DNAI3: variants seen among roughly 807,000 people sequenced by gnomAD.
DNAI3 encodes dynein axonemal intermediate chain 3, also known as WD repeat domain 63.
In DNAI3, 83 loss-of-function variants were observed where a neutral mutation model predicts 115.5. The ratio of observed to expected loss-of-function variants is 0.72; its 90% CI spans 0.60 to 0.86. DNAI3 has a LOEUF of 0.86. DNAI3 is among the 40% of genes least tolerant of loss of function. The pLI is 0.00. For missense variants in DNAI3, 1,004 were observed against 1,075.8 expected, an observed-to-expected ratio of 0.93 and a Z score of 0.93; for synonymous variants, 320 against 347.0, an observed-to-expected ratio of 0.92 and a Z score of 0.86.
chr1:85,120,603 T>C (rs901744454), intron 17 of DNAI3, among the ~76,000 whole-genome samples: 6 of 152,198 alleles, frequency 3.9e-5, no homozygotes, highest in African/African-American at 1.4e-4. Context: ...ATAACTCTCT[T>C]ACAGGACTTT....
At position 85,086,101 on chromosome 1, in the gene DNAI3, T is replaced by C. The variant is rs1654794168; in HGVS notation, c.740+71T>C. ...AAATCTAGTAACTTCCATTATTATT[T>C]TGAGAGCTCTTTATAATAAATAGAA... On this transcript the variant is annotated intron_variant, in intron 7 of 22. Coordinates refer to ENST00000294664, the MANE Select transcript of DNAI3 (RefSeq NM_145172.5). 3.6e-6 allele frequency: 5 copies of C among 1,381,480 alleles called. No homozygotes were observed. In the Admixed American group the frequency reaches 9.8e-5, roughly 27 times the overall value. 85.6% of individuals were successfully genotyped at this position (1,381,480 alleles called of 1,614,324 possible).
intron 8 of DNAI3, among the ~76,000 whole-genome samples, chr1:85,091,823 G>C (rs1474892849): frequency 6.6e-6 from 1 of 152,154 alleles, no homozygotes; most frequent in Non-Finnish European, 1.5e-5. Context: ...CATGGTTCCA[G>C]GAAAGCAAGA....
rs550901367 is a variant in DNAI3 at position 85,128,619 on chromosome 1, C to T, written c.2318-89C>T. The T allele has an allele frequency of 6.3e-6, 7 of 1,111,508 alleles. No homozygotes were observed. The African/African-American group carries it at 1.1e-4, about 18-fold the overall frequency. The allele number at this position is 1,111,508 out of a possible 1,614,324, so 68.9% of individuals were successfully genotyped here. On this transcript the variant is annotated intron_variant, in intron 20 of 22. Coordinates refer to ENST00000294664, the MANE Select transcript of DNAI3 (RefSeq NM_145172.5). Reference sequence around the variant, plus strand: ...AACCACAGCAGGTCCTTTGGGAGAACACAAAACAAAAACATACTTCATGTT... The same window carrying T: ...AACCACAGCAGGTCCTTTGGGAGAATACAAAACAAAAACATACTTCATGTT...
intron 13 of DNAI3, among the ~76,000 whole-genome samples, chr1:85,101,515 G>C (rs949195046): frequency 6.6e-6 from 1 of 151,988 alleles, no homozygotes; most frequent in Non-Finnish European, 1.5e-5. Context: ...ACGAGGTCAG[G>C]AGATGGAGAC....
intron 16 of DNAI3, 55 bp downstream of exon 16, chr1:85,110,190 G>A (rs554148916): frequency 1.3e-5 from 19 of 1,509,802 alleles, no homozygotes; most frequent in South Asian, 1.2e-4. Context: ...GGTGGCTCAC[G>A]CCTGTAATCC....
chr1:85,071,894 A>G (rs1331268315), intron 1 of DNAI3, 34 bp from the exon 2 acceptor site: 2 of 1,568,126 alleles, frequency 1.3e-6, no homozygotes, highest in East Asian at 2.3e-5. Flanking sequence ...TGCAAATTGT[A>G]ACAATTTACT....
At chr1:85,076,969 T>C (rs1041540901) in intron 3 of DNAI3, among the ~76,000 whole-genome samples, 21 of 152,144 alleles carry the variant, frequency 1.4e-4, no homozygotes, top group African/African-American at 5.1e-4. Context: ...TGCTTCTTCA[T>C]CTGAAAAGCA....
intron 16 of DNAI3, among the ~76,000 whole-genome samples, chr1:85,117,270 A>T (rs975296859): frequency 5.3e-5 from 8 of 152,210 alleles, no homozygotes; most frequent in African/African-American, 1.9e-4. Context: ...ATTTACAAGA[A>T]AAGTCACAAT....
intron 19 of DNAI3, among the ~76,000 whole-genome samples, chr1:85,124,885 T>C (rs17121776): frequency 0.04 from 6,129 of 152,146 alleles, 406 homozygotes; most frequent in African/African-American, 0.14. Context: ...CTAATTCTGA[T>C]TGAAGTGCAA....
At chr1:85,124,398 C>A in intron 19 of DNAI3, 147 bp downstream of exon 19, 1 of 1,074,270 alleles carries the variant, frequency 9.3e-7, no homozygotes, top group Non-Finnish European at 1.4e-6. Context: ...AGCTTGTCAG[C>A]AGAACCACTG....
intron 19 of DNAI3, among the ~76,000 whole-genome samples, chr1:85,125,338 T>C (rs775908043): frequency 7.2e-5 from 11 of 152,122 alleles, no homozygotes; most frequent in South Asian, 2.1e-4. Flanking sequence ...TACACACACA[T>C]ATATATATTT....
intron 3 of DNAI3, among the ~76,000 whole-genome samples, chr1:85,078,136 T>C (rs1654515915): frequency 6.6e-6 from 1 of 151,992 alleles, no homozygotes; most frequent in African/African-American, 2.4e-5. Context: ...CAGGACCCTC[T>C]CCATGGATCT....
chr1:85,104,662 T>G (rs1384136409), intron 14 of DNAI3, 65 bp downstream of exon 14: 5 of 1,304,610 alleles, frequency 3.8e-6, no homozygotes, highest in Non-Finnish European at 5.5e-6. Flanking sequence ...TCGATGCTCC[T>G]AAAATCAGTG....
At chr1:85,091,768 A>G (rs1021819983) in intron 8 of DNAI3, among the ~76,000 whole-genome samples, 6 of 152,210 alleles carry the variant, frequency 3.9e-5, no homozygotes, top group Admixed American at 1.3e-4. Context: ...TAAAATTCCT[A>G]GACAACAGTT....
chr1:85,093,346 AATT>A, intron 8 of DNAI3, 109 bp from the exon 9 acceptor site: 1 of 973,492 alleles, frequency 1.0e-6, no homozygotes, highest in East Asian at 2.6e-5. Context: ...TATAATTGAG[AATT>A]ATTATTTTTT....
intron 10 of DNAI3, among the ~76,000 whole-genome samples, 195 bp downstream of exon 10, chr1:85,094,750 A>T (rs553727398): frequency 6.6e-6 from 1 of 152,392 alleles, no homozygotes; most frequent in African/African-American, 2.4e-5. Flanking sequence ...TTTATTGAAC[A>T]AATCAACATG....
chr1:85,084,449 A>T, intron 5 of DNAI3, 97 bp from the exon 6 acceptor site: 1 of 925,366 alleles, frequency 1.1e-6, no homozygotes, highest in Non-Finnish European at 1.4e-6. Context: ...TAATGAATTT[A>T]TATAAAAGTA....
At chr1:85,067,300 C>T (rs771524062) in intron 1 of DNAI3, among the ~76,000 whole-genome samples, 1 of 152,174 alleles carries the variant, frequency 6.6e-6, no homozygotes, top group Non-Finnish European at 1.5e-5. Context: ...GTAATTTAGA[C>T]AGAAGTCAAT....
chr1:85,081,821 T>C lies in DNAI3; in HGVS notation c.285+406T>C, dbSNP rs566027975. Among the ~76,000 whole-genome samples the C allele has an allele frequency of 2.4e-4, 36 of 152,284 alleles. 3 individuals are homozygous for C. The South Asian group carries it at 7.3e-3, about 31-fold the overall frequency. ...GGCATGCCCAACTGATTTTTGTTTT[T>C]ATAGAGACAGGGTTTTGCCATGTTG... On this transcript the variant is annotated intron_variant, in intron 4 of 22. Coordinates refer to ENST00000294664, the MANE Select transcript of DNAI3 (RefSeq NM_145172.5).
Sources: allele counts gnomAD v4.1 joint callset (sites outside exome capture counted in the v4.1 genomes callset), GRCh38; gene constraint gnomAD v4.1.1; transcripts MANE v1.5; gene names NCBI Gene and HGNC (gene_info 2026-07-23, HGNC 2026-07-21).